MCUB: variants seen among roughly 807,000 people sequenced by gnomAD.
MCUB encodes the protein calcium uniporter regulatory subunit MCUb, mitochondrial.
A neutral mutation model predicts 41.4 loss-of-function variants in MCUB; 46 were observed. That is an observed-to-expected ratio of 1.11 (90% CI 0.88 to 1.42). MCUB has a LOEUF of 1.42. Ranked by LOEUF, MCUB falls within the 40% of genes most tolerant of loss-of-function variation. The probability of loss-of-function intolerance (pLI) is 0.00; values close to 1 mark genes in which losing one functional copy is unlikely to be tolerated. For synonymous variants in MCUB, 148 were observed against 148.2 expected, an observed-to-expected ratio of 1.00 and a Z score of 0.01; for missense variants, 403 against 404.9, an observed-to-expected ratio of 1.00 and a Z score of 0.04.
intron 1 of MCUB, among the ~76,000 whole-genome samples, chr4:109,647,134 A>G (rs1054786991): frequency 2.2e-4 from 34 of 152,248 alleles, no homozygotes; most frequent in African/African-American, 7.9e-4. Context: ...GGTGTTATCA[A>G]TATTTTGCAC....
chr4:109,593,435 C>T (rs867465613), intron 1 of MCUB, among the ~76,000 whole-genome samples: 2 of 152,148 alleles, frequency 1.3e-5, no homozygotes, highest in Non-Finnish European at 2.9e-5. Flanking sequence ...AGCCCTGTTG[C>T]CTTTTTCAAG....
intron 7 of MCUB, among the ~76,000 whole-genome samples, chr4:109,685,783 T>TA (rs1394116053): frequency 6.6e-6 from 1 of 152,230 alleles, no homozygotes; most frequent in African/African-American, 2.4e-5. Flanking sequence ...GAAAGGCACT[T>TA]ACTCAGGTAT....
chr4:109,564,476 C>G (rs557985507), intron 1 of MCUB, among the ~76,000 whole-genome samples: 3 of 152,324 alleles, frequency 2.0e-5, no homozygotes, highest in African/African-American at 7.2e-5. Context: ...TATCTTGCCT[C>G]TCTTTCACTG....
chr4:109,659,689 C>G (rs1400621740), intron 2 of MCUB, among the ~76,000 whole-genome samples: 1 of 152,208 alleles, frequency 6.6e-6, no homozygotes, highest in East Asian at 1.9e-4. Flanking sequence ...CAGGGTCTAG[C>G]TGTGTCACTC....
chr4:109,657,754 T>G (rs1243019164), intron 1 of MCUB, among the ~76,000 whole-genome samples: 1 of 152,264 alleles, frequency 6.6e-6, no homozygotes, highest in Non-Finnish European at 1.5e-5. Flanking sequence ...TAAGCACCAG[T>G]GCAATTGTGT....
At chr4:109,582,640 G>C (rs1297441607) in intron 1 of MCUB, among the ~76,000 whole-genome samples, 1 of 150,688 alleles carries the variant, frequency 6.6e-6, no homozygotes, top group African/African-American at 2.4e-5. Flanking sequence ...TGAAGTCCTT[G>C]TCCATGCCTG....
chr4:109,637,515 C>A (rs1485919824), intron 1 of MCUB, among the ~76,000 whole-genome samples: 2 of 152,036 alleles, frequency 1.3e-5, no homozygotes, highest in Non-Finnish European at 2.9e-5. Context: ...CATCAATCAA[C>A]AAGTGAATAA....
In MCUB at chr4:109,684,632, A is replaced by T; in HGVS notation, c.802A>T (p.Ile268Leu). 1 of 1,492,792 alleles carries T rather than the reference A, an allele frequency of 6.7e-7. No individual in the cohort carries two copies. The allele number at this position is 1,492,792 out of a possible 1,614,324, so 92.5% of individuals were successfully genotyped here. Residue 268 changes from isoleucine (I) to leucine (L), a missense_variant, in exon 6 of 8, where the codon ATA becomes TTA. Ile to Leu is a conservative substitution (Grantham distance 5, BLOSUM62 2). Transcript: ENST00000394650. ...TTCTATGGTCTTTTTTGCATACTTT[A>T]TAGTCACTCGACAGGTGAGTAGTTT... Reference protein sequence around the residue: ...ANSMVFFAYFIVTRQDYTYSA... With the variant: ...ANSMVFFAYFLVTRQDYTYSA...
intron 1 of MCUB, among the ~76,000 whole-genome samples, chr4:109,571,019 G>A (rs1485818803): frequency 6.6e-6 from 1 of 152,164 alleles, no homozygotes; most frequent in Admixed American, 6.5e-5. Flanking sequence ...GTAGTGAGTT[G>A]CATTTCCTAT....
chr4:109,673,773 G>A (rs924139596), intron 4 of MCUB: 1 of 597,306 alleles, frequency 1.7e-6, no homozygotes, highest in Non-Finnish European at 3.0e-6. Flanking sequence ...CTGAAGAAAA[G>A]GAAAAGATCA....
Position 109,639,605 on chromosome 4 carries a change from T to C in MCUB, c.100-19406T>C, listed in dbSNP as rs534206264. ...AGGAGGCTGAGGCAGGAGAATCGCT[T>C]GAACCTGGGAGGTAGAACTTGCAGG... On this transcript the variant is annotated intron_variant, in intron 1 of 7. Transcript: ENST00000394650. Among the ~76,000 whole-genome samples the C allele has an allele frequency of 3.9e-5, 6 of 152,270 alleles. No individual in the cohort carries two copies. The South Asian group carries it at 1.2e-3, about 32-fold the overall frequency.
chr4:109,627,935 G>A (rs952294386), intron 1 of MCUB, among the ~76,000 whole-genome samples: 1 of 150,000 alleles, frequency 6.7e-6, no homozygotes, highest in African/African-American at 2.4e-5. Flanking sequence ...AAAAAAAGAG[G>A]ATCCTTGCTC....
intron 1 of MCUB, among the ~76,000 whole-genome samples, chr4:109,585,790 G>T (rs1272945082): frequency 1.3e-5 from 2 of 152,212 alleles, no homozygotes; most frequent in Non-Finnish European, 2.9e-5. Context: ...ACTGTTTTCT[G>T]GCTTGTAGAG....
intron 1 of MCUB, among the ~76,000 whole-genome samples, chr4:109,573,465 AAAGG>A (rs1204071321): frequency 3.9e-5 from 6 of 152,004 alleles, no homozygotes; most frequent in Admixed American, 1.3e-4. Flanking sequence ...AAAAAAAAAA[AAAGG>A]AAGAGTGGTA....
At chr4:109,606,622 ACAAG>A (rs1485104264) in intron 1 of MCUB, among the ~76,000 whole-genome samples, 2 of 152,208 alleles carry the variant, frequency 1.3e-5, no homozygotes, top group African/African-American at 2.4e-5. Context: ...GATTGCATAA[ACAAG>A]CAAACTAACA....
At chr4:109,634,527 A>G (rs1347525357) in intron 1 of MCUB, among the ~76,000 whole-genome samples, 2 of 150,174 alleles carry the variant, frequency 1.3e-5, no homozygotes, top group Non-Finnish European at 3.0e-5. Flanking sequence ...GCTCCGTTTT[A>G]GTCACTACCT....
intron 1 of MCUB, among the ~76,000 whole-genome samples, chr4:109,615,017 G>A (rs938904066): frequency 3.3e-5 from 5 of 152,076 alleles, no homozygotes; most frequent in African/African-American, 7.2e-5. Flanking sequence ...TCAGAAATAC[G>A]GGGTAAATTG....
chr4:109,667,551 T>C (rs945813470), intron 4 of MCUB, among the ~76,000 whole-genome samples: 1 of 151,556 alleles, frequency 6.6e-6, no homozygotes, highest in African/African-American at 2.4e-5. Context: ...ATCATTGATT[T>C]TTCTCTGTGG....
intron 1 of MCUB, among the ~76,000 whole-genome samples, chr4:109,613,067 C>T (rs2126133871): frequency 6.6e-6 from 1 of 152,174 alleles, no homozygotes; most frequent in East Asian, 1.9e-4. Context: ...GATCACACCA[C>T]TGCACTCCAG....
Sources: allele counts gnomAD v4.1 joint callset (sites outside exome capture counted in the v4.1 genomes callset), GRCh38; gene constraint gnomAD v4.1.1; transcripts MANE v1.5; gene names NCBI Gene and HGNC (gene_info 2026-07-23, HGNC 2026-07-21).